Variants in CRYBG1 observed in about 807,000 individuals in gnomAD.
CRYBG1 encodes crystallin beta-gamma domain containing 1.
CRYBG1 carries 139 observed loss-of-function variants against 189.2 expected under a neutral mutation model. That is an observed-to-expected ratio of 0.73 (90% CI 0.64 to 0.85). The LOEUF (loss-of-function observed/expected upper bound fraction) is 0.85. CRYBG1 is among the 40% of genes least tolerant of loss of function. The pLI is 0.00. For missense variants in CRYBG1, 2,611 were observed against 2,675.8 expected, an observed-to-expected ratio of 0.98 and a Z score of 0.53; for synonymous variants, 1,023 against 1,017.1, an observed-to-expected ratio of 1.01 and a Z score of -0.11.
Position 106,525,337 on chromosome 6 carries a change from A to G in CRYBG1, c.4363A>G (p.Ser1455Gly), listed in dbSNP as rs148234879. The G allele has an allele frequency of 2.8e-5, 46 of 1,614,180 alleles. No homozygotes were observed. In the African/African-American group the frequency reaches 6.1e-4, roughly 22 times the overall value. The change falls in exon 6 of 22, where the codon AGT (serine) becomes GGT (glycine). Residue 1455 changes from serine (S) to glycine (G), a missense_variant. This residue lies in a region of CRYBG1 where 1,622 missense variants were observed against 1,735.0 expected (regional missense o/e 0.93). Coordinates refer to ENST00000633556, the MANE Select transcript of CRYBG1 (RefSeq NM_001371242.2). ...IEVFSDIQDCSSWSLSPVILI... is the reference protein window; with the variant it reads ...IEVFSDIQDCGSWSLSPVILI... ...AGTTTTCAGTGACATTCAGGATTGCAGTTCTTGGAGCCTCTCTCCAGTGAT... is the reference window on the plus strand; with the variant it reads ...AGTTTTCAGTGACATTCAGGATTGCGGTTCTTGGAGCCTCTCTCCAGTGAT...
chr6:106,508,501 AC>A lies in CRYBG1; in HGVS notation c.313-2926del, dbSNP rs150311219. ...CCACCACTTACCACCCACTGACCCCACCCTCAGGCAACCACCGACCTACTTT... is the reference window on the plus strand; with the variant it reads ...CCACCACTTACCACCCACTGACCCCACCTCAGGCAACCACCGACCTACTTT... On this transcript the variant is annotated intron_variant, in intron 2 of 21. Transcript: ENST00000633556. Among the ~76,000 whole-genome samples the A allele has an allele frequency of 5.9e-3, 905 of 152,124 alleles. 14 individuals are homozygous for A. Among genetic ancestry groups the A allele is most frequent in the African/African-American group, 0.021 (872 of 41,496 alleles).
chr6:106,426,466 C>T (rs142303697), intron 1 of CRYBG1, among the ~76,000 whole-genome samples: 5 of 152,350 alleles, frequency 3.3e-5, no homozygotes, highest in African/African-American at 1.2e-4. Context: ...TTCCTCTTAT[C>T]CCACTTTCTT....
Position 106,520,158 on chromosome 6 carries a change from GT to G in CRYBG1, c.2951del (p.Val984GlyfsTer68), listed in dbSNP as rs895602995. ...CCCAGAGAGCTCTGAAGTTAGAGAA[GT>G]GCAGTTGCCAACTTGTCACAGTAAT... ...VIPESSEVRE[V>X]QLPTCHSNEP... On this transcript the variant is annotated frameshift_variant, in exon 4 of 22. Transcript: ENST00000633556. LOFTEE classifies it high-confidence loss of function. 3 of 1,614,134 alleles carry G rather than the reference GT, an allele frequency of 1.9e-6. No individual in the cohort carries two copies. Among genetic ancestry groups the G allele is most frequent in the Admixed American group, 1.7e-5 (1 of 60,012 alleles).
intron 1 of CRYBG1, among the ~76,000 whole-genome samples, chr6:106,395,333 T>G (rs1205828349): frequency 1.3e-5 from 2 of 151,924 alleles, no homozygotes; most frequent in African/African-American, 4.8e-5. Flanking sequence ...CCTCTCATTC[T>G]TTTTTATTTT....
chr6:106,376,413 G>A (rs1001254990), intron 1 of CRYBG1, among the ~76,000 whole-genome samples: 7 of 152,174 alleles, frequency 4.6e-5, no homozygotes, highest in Non-Finnish European at 1.0e-4. Flanking sequence ...CTCAGAGGCT[G>A]TATTTAATGA....
At chr6:106,372,506 C>T (rs1158890397) in intron 1 of CRYBG1, among the ~76,000 whole-genome samples, 2 of 152,188 alleles carry the variant, frequency 1.3e-5, no homozygotes, top group East Asian at 3.9e-4. Flanking sequence ...CCCACCTTGG[C>T]CTCCCAAAAT....
intron 1 of CRYBG1, among the ~76,000 whole-genome samples, chr6:106,366,370 C>A (rs1162529722): frequency 1.3e-5 from 2 of 151,990 alleles, no homozygotes; most frequent in Non-Finnish European, 2.9e-5. Context: ...AGTGATAAAC[C>A]AGTAATTTAA....
Position 106,519,541 on chromosome 6 carries a change from G to C in CRYBG1, c.2333G>C (p.Gly778Ala). 6.2e-7 allele frequency: 1 copy of C among 1,614,092 alleles called. No individual in the cohort carries two copies. Among genetic ancestry groups the C allele is most frequent in the Non-Finnish European group, 8.5e-7 (1 of 1,179,990 alleles). ...GACTCTTCTGAGAATCAAGCTCTTG[G>C]TCCTCAGCCTAACCAAGATGATAAA... is the stretch of plus-strand genomic sequence containing the variant. ...NGDSSENQAL[G>A]PQPNQDDKAD... is the part of the protein sequence containing the mutation. Residue 778 changes from glycine to alanine, a missense_variant, in exon 4 of 22, where the codon GGT becomes GCT. Physicochemically the swap from Gly to Ala is moderately conservative, Grantham distance 60. Transcript: ENST00000633556.
chr6:106,451,257 G>T (rs1462941774), intron 1 of CRYBG1, among the ~76,000 whole-genome samples: 1 of 152,156 alleles, frequency 6.6e-6, no homozygotes, highest in East Asian at 1.9e-4. Flanking sequence ...TCCTGGCATA[G>T]TCTAGATTGT....
chr6:106,513,347 T>C (rs560929146), intron 3 of CRYBG1, among the ~76,000 whole-genome samples: 1 of 152,356 alleles, frequency 6.6e-6, no homozygotes, highest in African/African-American at 2.4e-5. Context: ...TGACATGAGC[T>C]GATTCTATTC....
At chr6:106,504,183 C>T (rs1165053910) in intron 2 of CRYBG1, among the ~76,000 whole-genome samples, 1 of 152,042 alleles carries the variant, frequency 6.6e-6, no homozygotes, top group Admixed American at 6.6e-5. Flanking sequence ...ATATTAGAAG[C>T]AGCATGGGGC....
intron 1 of CRYBG1, among the ~76,000 whole-genome samples, chr6:106,412,756 C>T (rs553183697): frequency 6.6e-6 from 1 of 152,254 alleles, no homozygotes; most frequent in Non-Finnish European, 1.5e-5. Flanking sequence ...CTTTATTTCA[C>T]TTTCAACTCT....
At chr6:106,430,765 G>T (rs532140055) in intron 1 of CRYBG1, among the ~76,000 whole-genome samples, 3 of 152,056 alleles carry the variant, frequency 2.0e-5, no homozygotes, top group Non-Finnish European at 4.4e-5. Flanking sequence ...CCGGGTAGCT[G>T]CACCTCTTAC....
intron 2 of CRYBG1, among the ~76,000 whole-genome samples, chr6:106,497,687 C>T (rs372579495): frequency 2.6e-5 from 4 of 152,204 alleles, no homozygotes; most frequent in East Asian, 3.8e-4. Context: ...TATGTGTGAC[C>T]GTTGGCAAAT....
chr6:106,406,534 G>A (rs988092516), intron 1 of CRYBG1, among the ~76,000 whole-genome samples: 3 of 152,154 alleles, frequency 2.0e-5, no homozygotes, highest in Non-Finnish European at 4.4e-5. Flanking sequence ...GAAATACAGA[G>A]AACACCACAA....
intron 2 of CRYBG1, among the ~76,000 whole-genome samples, chr6:106,505,428 C>T (rs976419794): frequency 1.3e-5 from 2 of 152,050 alleles, no homozygotes; most frequent in African/African-American, 4.8e-5. Flanking sequence ...CAAGTTTCAC[C>T]ATCTTGGCCA....
At chr6:106,376,028 G>A (rs1311722831) in intron 1 of CRYBG1, among the ~76,000 whole-genome samples, 1 of 152,096 alleles carries the variant, frequency 6.6e-6, no homozygotes, top group Non-Finnish European at 1.5e-5. Flanking sequence ...ATATCTTATT[G>A]CATGTAACAT....
chr6:106,380,771 A>T (rs1321997138), intron 1 of CRYBG1, among the ~76,000 whole-genome samples: 1 of 152,200 alleles, frequency 6.6e-6, no homozygotes, highest in Non-Finnish European at 1.5e-5. Flanking sequence ...TACATAGGTT[A>T]GTTTATAATT....
intron 1 of CRYBG1, among the ~76,000 whole-genome samples, chr6:106,392,248 C>T (rs1770522058): frequency 6.6e-6 from 1 of 152,032 alleles, no homozygotes; most frequent in Non-Finnish European, 1.5e-5. Flanking sequence ...CCCTTTGCTC[C>T]CCAAGCCTGC....
Sources: gnomAD v4.1 joint callset for allele counts (sites outside exome capture counted in the v4.1 genomes callset) on GRCh38, gnomAD v4.1.1 for gene constraint, gnomAD v4.1.1 regional missense constraint, MANE v1.5 for transcripts, NCBI Gene and HGNC (gene_info 2026-07-23, HGNC 2026-07-21) for gene names.